NAGLU: variants seen among roughly 807,000 people sequenced by gnomAD.
The protein encoded by NAGLU is alpha-N-acetylglucosaminidase.
A neutral mutation model predicts 43.4 loss-of-function variants in NAGLU; 34 were observed. The ratio of observed to expected loss-of-function variants is 0.78; its 90% CI spans 0.60 to 1.04. NAGLU has a LOEUF of 1.04. NAGLU is among the 50% of genes least tolerant of loss of function. The pLI, the probability that NAGLU is intolerant of heterozygous loss-of-function variation, is 0.00. For synonymous variants in NAGLU, 425 were observed against 437.6 expected, an observed-to-expected ratio of 0.97 and a Z score of 0.36; for missense variants, 910 against 993.7, an observed-to-expected ratio of 0.92 and a Z score of 1.13.
intron 4 of NAGLU, among the ~76,000 whole-genome samples, chr17:42,540,377 A>G (rs534427323): frequency 1.3e-4 from 19 of 151,482 alleles, no homozygotes; most frequent in African/African-American, 4.1e-4. Context: ...TGTTCTGCAC[A>G]GAACTGAACT....
intron 4 of NAGLU, among the ~76,000 whole-genome samples, chr17:42,540,373 G>T (rs1202691436): frequency 6.7e-6 from 1 of 149,860 alleles, no homozygotes; most frequent in Non-Finnish European, 1.5e-5. Flanking sequence ...TGCATGTTCT[G>T]CACAGAACTG....
chr17:42,540,399 TA>T (rs748272091), intron 4 of NAGLU, among the ~76,000 whole-genome samples: 3,415 of 123,622 alleles, frequency 0.028, 91 homozygotes, highest in African/African-American at 0.076. Context: ...AAAGTATAAT[TA>T]AAAAAAAAAA....
At chr17:42,536,676 C>G in intron 1 of NAGLU, 21 bp downstream of exon 1, 2 of 1,458,686 alleles carry the variant, frequency 1.4e-6, no homozygotes, top group Non-Finnish European at 1.8e-6. Flanking sequence ...GAAGCTTCCC[C>G]GCGTCCGCCC....
chr17:42,537,321 T>C (rs2092909106), intron 1 of NAGLU, 77 bp from the exon 2 acceptor site: 2 of 1,595,528 alleles, frequency 1.3e-6, no homozygotes, highest in African/African-American at 2.7e-5. Context: ...CTCCTCTAGG[T>C]GGGGGATGGG....
Position 42,536,451 on chromosome 17 carries a change from C to G in NAGLU, c.179C>G (p.Pro60Arg). 7.9e-7 allele frequency: 1 copy of G among 1,257,962 alleles called. No individual in the cohort carries two copies. The highest frequency in any genetic ancestry group is 3.0e-4 in the Middle Eastern group (1 of 3,292). 77.9% of individuals were successfully genotyped at this position (1,257,962 alleles called of 1,614,324 possible). A position where few individuals can be genotyped will look rare whatever the true frequency, so the allele number is the denominator to read the frequency against. Residue 60 changes from proline to arginine, a missense_variant, in exon 1 of 6, where the codon CCG becomes CGG. Coordinates refer to ENST00000225927, the MANE Select transcript of NAGLU (RefSeq NM_000263.4). ...GTGGAGCGCGCTCTGGCTGCCAAGCCGGGCTTGGACACCTACAGCCTGGGC... is the reference window on the plus strand; with the variant it reads ...GTGGAGCGCGCTCTGGCTGCCAAGCGGGGCTTGGACACCTACAGCCTGGGC... ...VSVERALAAK[P>R]GLDTYSLGGG...
At chr17:42,538,575 A>C (rs2092913393) in intron 3 of NAGLU, 90 bp downstream of exon 3, 1 of 1,612,180 alleles carries the variant, frequency 6.2e-7, no homozygotes, top group Non-Finnish European at 8.5e-7. Context: ...CAGGGCTCTT[A>C]ACTGAGGCGG....
Position 42,544,336 on chromosome 17 carries a change from G to A in NAGLU, c.*98G>A, listed in dbSNP as rs546733878. On this transcript the variant is annotated 3_prime_UTR_variant, in exon 6 of 6. Coordinates refer to ENST00000225927, the MANE Select transcript of NAGLU (RefSeq NM_000263.4). ...ATCACAGGATAACCCAGGCCTGGGA[G>A]GAGGCCCCACGGCCTGCTGGTGGGG... The A allele has an allele frequency of 2.5e-6, 4 of 1,570,194 alleles. No individual in the cohort carries two copies. Among genetic ancestry groups the A allele is most frequent in the African/African-American group, 1.3e-5 (1 of 74,544 alleles).
At position 42,543,017 on chromosome 17, in the gene NAGLU, C is replaced by G; in HGVS notation, c.1022-11C>G. The G allele has an allele frequency of 6.2e-7, 1 of 1,600,596 alleles. No homozygotes were observed. The highest frequency in any genetic ancestry group is 1.1e-5 in the South Asian group (1 of 91,020). On this transcript the variant is annotated splice_polypyrimidine_tract_variant and intron_variant, in intron 5 of 5. Coordinates refer to ENST00000225927, the MANE Select transcript of NAGLU (RefSeq NM_000263.4). ...CTCCTCTTCTCTGTTCCCCCTACCT[C>G]CTGTCCACAGTGGATACTGAGGCTG...
chr17:42,536,836 G>C lies in NAGLU; in HGVS notation c.383+181G>C. The C allele has an allele frequency of 4.9e-6, 6 of 1,222,546 alleles. No individual in the cohort carries two copies. In the South Asian group the frequency reaches 1.2e-4, roughly 25 times the overall value. 75.7% of individuals were successfully genotyped at this position (1,222,546 alleles called of 1,614,324 possible). On this transcript the variant is annotated intron_variant, in intron 1 of 5. Coordinates refer to ENST00000225927, the MANE Select transcript of NAGLU (RefSeq NM_000263.4). ...TTTCAGAGCCTCGGCTGGCCCACCT[G>C]AAAAACGGAAAGAAGACGCCTACCG... is the stretch of plus-strand genomic sequence containing the variant.
At position 42,541,148 on chromosome 17, in the gene NAGLU, C is replaced by A. The variant is rs760910696; in HGVS notation, c.963C>A (p.Ser321=). Residue 321 remains serine (S), a synonymous_variant, in exon 5 of 6, where the codon TCC becomes TCA. Coordinates refer to ENST00000225927, the MANE Select transcript of NAGLU (RefSeq NM_000263.4). The part of the protein sequence containing the change: ...ADTFNEMQPP[S]SEPSYLAAAT... ...CTTTCAATGAGATGCAGCCACCTTC[C>A]TCAGAGCCCTCCTACCTTGCCGCAG... 3 of 1,613,882 alleles carry A rather than the reference C, an allele frequency of 1.9e-6. No homozygotes were observed. Among genetic ancestry groups the A allele is most frequent in the Non-Finnish European group, 2.5e-6 (3 of 1,180,040 alleles).
chr17:42,537,698 C>G (rs2092910582), intron 2 of NAGLU, among the ~76,000 whole-genome samples, 153 bp downstream of exon 2: 1 of 152,110 alleles, frequency 6.6e-6, no homozygotes, highest in African/African-American at 2.4e-5. Flanking sequence ...AGGCTTCCGG[C>G]CGGGCGCGGT....
rs141018386 is a variant in NAGLU at position 42,537,469 on chromosome 17, G to T, written c.455G>T (p.Arg152Leu). 5.0e-6 allele frequency: 8 copies of T among 1,614,248 alleles called. No individual in the cohort carries two copies. The highest frequency in any genetic ancestry group is 6.8e-6 in the Non-Finnish European group (8 of 1,180,032). ...TGGTGGGACTGGGCCCGCTGGGAGC[G>T]AGAGATAGACTGGATGGCGCTGAAT... ...FVWWDWARWE[R>L]EIDWMALNGI... Residue 152 changes from arginine (R) to leucine (L), a missense_variant, in exon 2 of 6, where the codon CGA becomes CTA. Coordinates refer to ENST00000225927, the MANE Select transcript of NAGLU (RefSeq NM_000263.4).
Position 42,544,013 on chromosome 17 carries a change from C to T in NAGLU, c.2007C>T (p.Asn669=). 6.2e-7 allele frequency: 1 copy of T among 1,611,082 alleles called. No individual in the cohort carries two copies. Among genetic ancestry groups the T allele is most frequent in the African/African-American group, 1.3e-5 (1 of 75,004 alleles). The change falls in exon 6 of 6, where the codon AAC becomes AAT. Residue 669 remains asparagine, a synonymous_variant. Transcript: ENST00000225927. ...AGCAGCTGGCGGGGTTGGTGGCCAA[C>T]TACTACACCCCTCGCTGGCGGCTTT... ...ANKQLAGLVA[N]YYTPRWRLFL... is the part of the protein sequence containing the mutation.
chr17:42,541,067 C>T lies in NAGLU; in HGVS notation c.882C>T (p.Leu294=), dbSNP rs753128312. 6.2e-7 allele frequency: 1 copy of T among 1,614,208 alleles called. No individual in the cohort carries two copies. ...EDPIFPIIGS[L]FLRELIKEFG... is the part of the protein sequence containing the mutation. The stretch of plus-strand genomic sequence containing the variant: ...CCATATTCCCCATCATCGGGAGCCT[C>T]TTCCTGCGAGAGCTGATCAAAGAGT... Residue 294 remains leucine (L), a synonymous_variant, in exon 5 of 6, where the codon CTC becomes CTT. Transcript: ENST00000225927.
At position 42,543,449 on chromosome 17, in the gene NAGLU, G is replaced by C; in HGVS notation, c.1443G>C (p.Arg481=). Residue 481 remains arginine (R), a synonymous_variant, in exon 6 of 6, where the codon CGG becomes CGC. Transcript: ENST00000225927. ...LAAWVTSFAA[R]RYGVSHPDAG... Reference sequence around the variant, plus strand: ...CCTGGGTGACCAGCTTTGCCGCCCGGCGGTATGGGGTCTCCCACCCGGACG... The same window carrying C: ...CCTGGGTGACCAGCTTTGCCGCCCGCCGGTATGGGGTCTCCCACCCGGACG... 6.3e-7 allele frequency: 1 copy of C among 1,598,382 alleles called. No individual in the cohort carries two copies. The highest frequency in any genetic ancestry group is 8.5e-7 in the Non-Finnish European group (1 of 1,174,062).
rs1394085859 is a variant in NAGLU, at chr17:42,537,229, C to A, written c.384-169C>A. 13 of 989,230 alleles carry A rather than the reference C, an allele frequency of 1.3e-5. No homozygotes were observed. The East Asian group carries it at 1.8e-4, about 14-fold the overall frequency. 61.3% of individuals were successfully genotyped at this position (989,230 alleles called of 1,614,324 possible). A position where few individuals can be genotyped will look rare whatever the true frequency, so the allele number is the denominator to read the frequency against. Reference sequence around the variant, plus strand: ...TGCAGGGGACGAGTGCCTCAGAAGCCCAGCCCCGGTACCTGGTCTCAGCTC... The same window carrying A: ...TGCAGGGGACGAGTGCCTCAGAAGCACAGCCCCGGTACCTGGTCTCAGCTC... On this transcript the variant is annotated intron_variant, in intron 1 of 5. Transcript: ENST00000225927.
At chr17:42,541,245 C>T in intron 5 of NAGLU, 39 bp downstream of exon 5, 1 of 1,607,854 alleles carries the variant, frequency 6.2e-7, no homozygotes, top group Middle Eastern at 1.7e-4. Flanking sequence ...CCCCCAGACC[C>T]TCAAAAAGAA....
At chr17:42,537,569 C>A in intron 2 of NAGLU, 24 bp downstream of exon 2, 1 of 1,612,492 alleles carries the variant, frequency 6.2e-7, no homozygotes, top group Non-Finnish European at 8.5e-7. Flanking sequence ...GTCCCTTCCC[C>A]ACCCTCCTCT....
intron 4 of NAGLU, among the ~76,000 whole-genome samples, chr17:42,539,501 T>C (rs901381619): frequency 6.6e-6 from 1 of 152,260 alleles, no homozygotes; most frequent in Non-Finnish European, 1.5e-5. Flanking sequence ...CACCTGCTAA[T>C]GTCTGGCTCC....
Sources: allele counts gnomAD v4.1 joint callset (sites outside exome capture counted in the v4.1 genomes callset), GRCh38; gene constraint gnomAD v4.1.1; transcripts MANE v1.5; gene names NCBI Gene and HGNC (gene_info 2026-07-23, HGNC 2026-07-21).